PDZD2: variants seen among roughly 807,000 people sequenced by gnomAD.
The protein encoded by PDZD2 is PDZ domain-containing protein 2.
Under a neutral mutation model 220.7 loss-of-function variants are expected in PDZD2, and 90 were observed. That is an observed-to-expected ratio of 0.41 (90% confidence interval 0.34 to 0.49). The LOEUF (loss-of-function observed/expected upper bound fraction) is 0.49, where lower values mean the gene tolerates loss of function less well. Ranked by LOEUF, PDZD2 falls within the 20% of genes least tolerant of loss-of-function variation. PDZD2 has a pLI of 0.28. For synonymous variants in PDZD2, 1,375 were observed against 1,450.5 expected (o/e 0.95, Z 1.18); for missense variants, 3,174 against 3,608.5 (o/e 0.88, Z 3.08).
chr5:31,989,147 C>A (rs914067149), intron 3 of PDZD2, among the ~76,000 whole-genome samples: 1 of 152,166 alleles, frequency 6.6e-6, no homozygotes, highest in Non-Finnish European at 1.5e-5. Context: ...GTGCCCATCA[C>A]CTGAATAGTG....
intron 2 of PDZD2, among the ~76,000 whole-genome samples, chr5:31,860,997 G>A (rs1383225418): frequency 6.6e-6 from 1 of 152,188 alleles, no homozygotes; most frequent in Admixed American, 6.5e-5. Context: ...CCAGAGACAA[G>A]CATAGGAAAG....
intron 2 of PDZD2, among the ~76,000 whole-genome samples, chr5:31,952,811 G>A (rs1747298780): frequency 6.6e-6 from 1 of 152,164 alleles, no homozygotes; most frequent in Non-Finnish European, 1.5e-5. Flanking sequence ...TGTAATCCCA[G>A]CACTTTGGGA....
chr5:31,816,098 C>T (rs1755431520), intron 2 of PDZD2, among the ~76,000 whole-genome samples: 2 of 151,962 alleles, frequency 1.3e-5, no homozygotes, highest in African/African-American at 4.8e-5. Context: ...ACCATCCTGG[C>T]TAACACAGTG....
intron 2 of PDZD2, among the ~76,000 whole-genome samples, chr5:31,974,240 A>C (rs926766076): frequency 6.6e-6 from 1 of 152,082 alleles, no homozygotes; most frequent in Non-Finnish European, 1.5e-5. Flanking sequence ...CTTGGCCTCC[A>C]AAAGTGCTGG....
At chr5:31,764,880 C>T (rs1415423718) in intron 1 of PDZD2, among the ~76,000 whole-genome samples, 6 of 152,146 alleles carry the variant, frequency 3.9e-5, no homozygotes, top group South Asian at 2.1e-4. Context: ...AGTTCGAGAC[C>T]GGCCTGGCCA....
chr5:32,050,630 C>T (rs1236045732), intron 8 of PDZD2, among the ~76,000 whole-genome samples: 2 of 152,078 alleles, frequency 1.3e-5, no homozygotes, highest in Admixed American at 6.6e-5. Context: ...CCAGCCTGGG[C>T]AACATGGCAA....
intron 1 of PDZD2, among the ~76,000 whole-genome samples, chr5:31,645,826 T>TG (rs1459195266): frequency 6.6e-6 from 1 of 152,108 alleles, no homozygotes; most frequent in Non-Finnish European, 1.5e-5. Context: ...GGGCACGCTT[T>TG]GTGCTGTGGC....
chr5:31,645,384 T>C (rs190990647), intron 1 of PDZD2, among the ~76,000 whole-genome samples: 163 of 149,314 alleles, frequency 1.1e-3, no homozygotes, highest in African/African-American at 3.9e-3. Context: ...TCGCCCTGCC[T>C]GGAGTGCAGT....
At chr5:31,807,096 G>GGCTAATT (rs1324388344) in intron 2 of PDZD2, among the ~76,000 whole-genome samples, 1 of 151,982 alleles carries the variant, frequency 6.6e-6, no homozygotes, top group African/African-American at 2.4e-5. Flanking sequence ...CATTATGCCT[G>GGCTAATT]GCTAATTTTT....
intron 1 of PDZD2, among the ~76,000 whole-genome samples, chr5:31,666,148 G>C (rs1422354458): frequency 6.6e-6 from 1 of 152,186 alleles, no homozygotes; most frequent in Non-Finnish European, 1.5e-5. Context: ...TGAGGAGTGG[G>C]ACATCGAGAT....
At chr5:31,655,547 CTA>C (rs749241304) in intron 1 of PDZD2, among the ~76,000 whole-genome samples, 22 of 80,116 alleles carry the variant, frequency 2.7e-4, no homozygotes, top group Admixed American at 5.3e-4. Flanking sequence ...CATGTAAAAT[CTA>C]TGAGGGTATT....
At chr5:31,655,894 A>G (rs1745529972) in intron 1 of PDZD2, among the ~76,000 whole-genome samples, 2 of 152,212 alleles carry the variant, frequency 1.3e-5, no homozygotes, top group African/African-American at 2.4e-5. Flanking sequence ...TAGAAAATCC[A>G]TTAGTCTCAA....
chr5:31,840,227 T>TCAAAACAAAA (rs58599257), intron 2 of PDZD2, among the ~76,000 whole-genome samples: 20,351 of 145,720 alleles, frequency 0.14, 1,815 homozygotes, highest in East Asian at 0.36. Context: ...AGACCCTGTT[T>TCAAAACAAAA]CAAAACAAAA....
intron 2 of PDZD2, among the ~76,000 whole-genome samples, chr5:31,816,036 C>A (rs1755426523): frequency 6.6e-6 from 1 of 151,974 alleles, no homozygotes; most frequent in African/African-American, 2.4e-5. Context: ...TGCCTGTAAT[C>A]CCAACATTTT....
intron 2 of PDZD2, among the ~76,000 whole-genome samples, chr5:31,852,106 C>G (rs555735422): frequency 6.6e-6 from 1 of 152,130 alleles, no homozygotes; most frequent in Non-Finnish European, 1.5e-5. Context: ...CCGCCTGCCT[C>G]GGCCTCCCAA....
chr5:31,800,994 G>A (rs1324980565), intron 2 of PDZD2, among the ~76,000 whole-genome samples: 1 of 152,208 alleles, frequency 6.6e-6, no homozygotes, highest in African/African-American at 2.4e-5. Context: ...CCCATCAGTG[G>A]AAACCAGCCA....
In PDZD2 at chr5:31,720,414, C is replaced by T. The variant is rs192199303; in HGVS notation, c.-360-78475C>T. On this transcript the variant is annotated intron_variant, in intron 1 of 24. Transcript: ENST00000438447. ...ACAACATAGTGAAAAAAATGCTATA[C>T]TCGAGGTATGCTTATGTCATGATGA... Among the ~76,000 whole-genome samples the T allele has an allele frequency of 6.6e-4, 100 of 152,314 alleles. 1 individual carries two copies. The highest frequency in any genetic ancestry group is 1.2e-3 in the South Asian group (6 of 4,828).
intron 7 of PDZD2, among the ~76,000 whole-genome samples, chr5:32,046,524 T>G (rs554570163): frequency 1.3e-5 from 2 of 152,206 alleles, no homozygotes; most frequent in South Asian, 4.2e-4. Context: ...ATTACAGGCA[T>G]GAGCCACCGC....
chr5:32,048,734 TAAG>T, intron 8 of PDZD2, 50 bp downstream of exon 8: 2 of 1,581,702 alleles, frequency 1.3e-6, no homozygotes, highest in South Asian at 1.1e-5. Context: ...GCTTACATGT[TAAG>T]AAGAACTGCC....
Sources: gnomAD v4.1 joint callset for allele counts (sites outside exome capture counted in the v4.1 genomes callset) on GRCh38, gnomAD v4.1.1 for gene constraint, MANE v1.5 for transcripts, NCBI Gene and HGNC (gene_info 2026-07-23, HGNC 2026-07-21) for gene names.